DLG2: variants seen among roughly 807,000 people sequenced by gnomAD.
DLG2 encodes discs large MAGUK scaffold protein 2, also known as disks large homolog 2.
A neutral mutation model predicts 132.5 loss-of-function variants in DLG2; 45 were observed. The ratio of observed to expected loss-of-function variants is 0.34; its 90% CI spans 0.27 to 0.44. The LOEUF (loss-of-function observed/expected upper bound fraction) is 0.44. DLG2 is among the 20% of genes least tolerant of loss of function. DLG2 has a pLI of 1.00. For synonymous variants in DLG2, 424 were observed against 419.6 expected, an observed-to-expected ratio of 1.01 and a Z score of -0.13; for missense variants, 1,045 against 1,196.9, an observed-to-expected ratio of 0.87 and a Z score of 1.87.
At chr11:83,930,268 T>C (rs1299681292) in intron 15 of DLG2, 60 bp downstream of exon 15, 5 of 1,587,874 alleles carry the variant, frequency 3.1e-6, no homozygotes, top group Non-Finnish European at 4.3e-6. Context: ...ATTCTACCCA[T>C]TTATCCTTGT....
chr11:83,483,240 C>T, intron 22 of DLG2: 1 of 1,611,062 alleles, frequency 6.2e-7, no homozygotes. Flanking sequence ...AGTGACCATT[C>T]CTGGAAACTT....
chr11:84,228,372 T>C (rs1644727284), intron 8 of DLG2, among the ~76,000 whole-genome samples: 1 of 152,232 alleles, frequency 6.6e-6, no homozygotes, highest in African/African-American at 2.4e-5. Context: ...ACTTATTCAA[T>C]TGGTGCTGTT....
chr11:83,625,158 G>T (rs941417786), intron 19 of DLG2, among the ~76,000 whole-genome samples: 5 of 152,224 alleles, frequency 3.3e-5, no homozygotes, highest in Admixed American at 3.3e-4. Context: ...GGGCAGGGGG[G>T]TGCACACAGC....
intron 3 of DLG2, among the ~76,000 whole-genome samples, chr11:85,401,961 G>C: frequency 7.2e-6 from 1 of 138,054 alleles, no homozygotes; most frequent in Non-Finnish European, 1.6e-5. Flanking sequence ...AGCTACCACT[G>C]ACTTTCTTCA....
intron 8 of DLG2, among the ~76,000 whole-genome samples, chr11:84,173,406 A>C (rs2095867093): frequency 6.6e-6 from 1 of 152,192 alleles, no homozygotes; most frequent in Admixed American, 6.5e-5. Context: ...ATGATACACA[A>C]GGTTTTTGTC....
chr11:85,147,085 G>A (rs762925850), intron 5 of DLG2, among the ~76,000 whole-genome samples: 2 of 152,150 alleles, frequency 1.3e-5, no homozygotes, highest in South Asian at 2.1e-4. Flanking sequence ...ACATGCCATC[G>A]GTTGGGGAAG....
intron 9 of DLG2, among the ~76,000 whole-genome samples, chr11:84,105,336 G>A (rs1187858692): frequency 6.6e-6 from 1 of 152,134 alleles, no homozygotes; most frequent in African/African-American, 2.4e-5. Context: ...TAGACTTTGA[G>A]TCTAGTTTCA....
At chr11:84,699,883 G>A (rs986201829) in intron 6 of DLG2, among the ~76,000 whole-genome samples, 2 of 151,624 alleles carry the variant, frequency 1.3e-5, no homozygotes, top group Non-Finnish European at 3.0e-5. Flanking sequence ...TTGGGAAAGT[G>A]CATGACCTGA....
intron 6 of DLG2, among the ~76,000 whole-genome samples, chr11:84,668,827 G>A (rs141649949): frequency 6.6e-6 from 1 of 152,142 alleles, no homozygotes; most frequent in East Asian, 1.9e-4. Context: ...AAATTAATGT[G>A]TCATTTTCAT....
At chr11:84,368,487 G>A (rs1353655382) in intron 7 of DLG2, among the ~76,000 whole-genome samples, 1 of 152,020 alleles carries the variant, frequency 6.6e-6, no homozygotes, top group South Asian at 2.1e-4. Flanking sequence ...ACTAGATCAA[G>A]TAAACATGTC....
chr11:83,822,729 T>C (rs138779356), intron 17 of DLG2, among the ~76,000 whole-genome samples: 1 of 152,342 alleles, frequency 6.6e-6, no homozygotes, highest in Non-Finnish European at 1.5e-5. Context: ...TTCCTCAGGC[T>C]TCCTGAAGAG....
intron 8 of DLG2, among the ~76,000 whole-genome samples, chr11:84,185,114 A>T (rs1201542606): frequency 2.6e-5 from 4 of 152,190 alleles, no homozygotes; most frequent in Admixed American, 2.0e-4. Flanking sequence ...GAAGAAAGTC[A>T]TTGGTAGCTT....
chr11:84,092,536 A>G (rs1239014877), intron 10 of DLG2, among the ~76,000 whole-genome samples: 1 of 152,146 alleles, frequency 6.6e-6, no homozygotes, highest in African/African-American at 2.4e-5. Flanking sequence ...TTTCTCCTAT[A>G]TCTCTTTTAT....
chr11:84,137,383 A>T (rs999502411), intron 9 of DLG2, among the ~76,000 whole-genome samples: 1 of 152,110 alleles, frequency 6.6e-6, no homozygotes, highest in African/African-American at 2.4e-5. Flanking sequence ...TTTTCTGTGA[A>T]TGAGGTTTCG....
chr11:85,182,738 A>G (rs1039004678), intron 4 of DLG2, among the ~76,000 whole-genome samples: 2 of 151,460 alleles, frequency 1.3e-5, no homozygotes, highest in African/African-American at 2.4e-5. Flanking sequence ...AGGAAGCCAC[A>G]AAACAACATT....
chr11:83,560,196 C>A (rs1164972943), intron 19 of DLG2, among the ~76,000 whole-genome samples: 1 of 151,900 alleles, frequency 6.6e-6, no homozygotes, highest in Non-Finnish European at 1.5e-5. Context: ...TGGCTCACTG[C>A]AACCTCTGCC....
At chr11:85,173,321 A>C (rs1229153717) in intron 4 of DLG2, among the ~76,000 whole-genome samples, 1 of 152,210 alleles carries the variant, frequency 6.6e-6, no homozygotes, top group African/African-American at 2.4e-5. Flanking sequence ...CCAATATTCA[A>C]CATTCTTAAA....
intron 3 of DLG2, among the ~76,000 whole-genome samples, chr11:85,586,946 T>C (rs1433401449): frequency 1.3e-5 from 2 of 152,192 alleles, no homozygotes; most frequent in East Asian, 1.9e-4. Flanking sequence ...CTTGATTTCA[T>C]TGTTGACCTA....
chr11:84,416,935 T>C (rs1332641564), intron 7 of DLG2, among the ~76,000 whole-genome samples: 15 of 152,216 alleles, frequency 9.9e-5, no homozygotes, highest in Non-Finnish European at 1.3e-4. Flanking sequence ...TTGAAAAGAA[T>C]GGATTGCAAT....
Sources: gnomAD v4.1 joint callset for allele counts (sites outside exome capture counted in the v4.1 genomes callset) on GRCh38, gnomAD v4.1.1 for gene constraint, MANE v1.5 for transcripts, NCBI Gene and HGNC (gene_info 2026-07-23, HGNC 2026-07-21) for gene names.